The following EXT1 variants were observed in gnomAD, a reference collection of about 807,000 sequenced individuals.
EXT1 encodes the protein exostosin-1.
In EXT1, 20 loss-of-function variants were observed where a neutral mutation model predicts 82.5. The observed-to-expected ratio is 0.24, with a 90% CI of 0.17 to 0.35. EXT1 has a LOEUF of 0.35. Among genes scored for constraint, EXT1 ranks in the 10% least tolerant of loss-of-function variants. EXT1 has a pLI of 1.00. For missense variants in EXT1, 757 were observed against 936.5 expected, an observed-to-expected ratio of 0.81 and a Z score of 2.50; for synonymous variants, 348 against 350.8, an observed-to-expected ratio of 0.99 and a Z score of 0.09.
At chr8:117,914,403 T>C (rs1257093567) in intron 1 of EXT1, among the ~76,000 whole-genome samples, 1 of 152,130 alleles carries the variant, frequency 6.6e-6, no homozygotes, top group African/African-American at 2.4e-5. Flanking sequence ...TAGTACACCT[T>C]GAAAAAGAAC....
chr8:118,040,237 C>A lies in EXT1; in HGVS notation c.962+69848G>T, dbSNP rs145639417. ...CACAGATTCATACTAACGCCTTTTG[C>A]AATTCTCTCTTCCTCTGTCTTTGTT... On this transcript the variant is annotated intron_variant, in intron 1 of 10. Transcript: ENST00000378204. Among the ~76,000 whole-genome samples, 465 of 152,224 alleles carry A rather than the reference C, an allele frequency of 3.1e-3. 2 individuals are homozygous for A. Among genetic ancestry groups the A allele is most frequent in the African/African-American group, 0.01 (421 of 41,524 alleles).
chr8:117,921,057 G>T (rs1017457651), intron 1 of EXT1, among the ~76,000 whole-genome samples: 41 of 152,164 alleles, frequency 2.7e-4, no homozygotes, highest in Non-Finnish European at 2.9e-5. Flanking sequence ...CATCGAAAGG[G>T]TGGTTTTTAT....
chr8:117,887,668 A>G (rs1037572280), intron 1 of EXT1, among the ~76,000 whole-genome samples: 6 of 113,838 alleles, frequency 5.3e-5, no homozygotes, highest in Non-Finnish European at 7.9e-5. Flanking sequence ...TACTCTTTCT[A>G]TTCATTAGTT....
intron 1 of EXT1, among the ~76,000 whole-genome samples, chr8:118,049,226 T>C (rs1294080151): frequency 6.6e-6 from 1 of 152,248 alleles, no homozygotes; most frequent in Admixed American, 6.5e-5. Context: ...ATATCATTCA[T>C]GGATTTGTGC....
At chr8:118,041,873 A>T (rs1816537664) in intron 1 of EXT1, among the ~76,000 whole-genome samples, 1 of 151,716 alleles carries the variant, frequency 6.6e-6, no homozygotes. Context: ...GCTTGAACCC[A>T]GGAGACAGAG....
chr8:117,905,141 G>A (rs1813519464), intron 1 of EXT1, among the ~76,000 whole-genome samples: 1 of 152,162 alleles, frequency 6.6e-6, no homozygotes, highest in South Asian at 2.1e-4. Context: ...TGATCAAAGT[G>A]TACTTATAGG....
intron 1 of EXT1, among the ~76,000 whole-genome samples, chr8:118,072,489 G>GC (rs1817113217): frequency 6.6e-6 from 1 of 152,156 alleles, no homozygotes; most frequent in African/African-American, 2.4e-5. Context: ...CTTACCCTAA[G>GC]GGGGGAGACC....
chr8:117,981,544 G>A (rs76075810), intron 1 of EXT1, among the ~76,000 whole-genome samples: 2 of 152,290 alleles, frequency 1.3e-5, no homozygotes, highest in East Asian at 3.9e-4. Context: ...GGTGATGTAT[G>A]TTGGTCATTT....
In EXT1 at chr8:117,822,586, G is replaced by C. The variant is rs748311058; in HGVS notation, c.1296C>G (p.Asp432Glu). The C allele has an allele frequency of 8.1e-6, 13 of 1,612,870 alleles. No individual in the cohort carries two copies. Among genetic ancestry groups the C allele is most frequent in the Non-Finnish European group, 1.0e-5 (12 of 1,179,654 alleles). ...IVLTTLEIIQDRIFKHISRNS... is the reference protein window; with the variant it reads ...IVLTTLEIIQERIFKHISRNS... ...TACGTGATATGTGCTTGAATATTCTGTCCTGAATAATCTAGAAAATAAAAC... is the reference window on the plus strand; with the variant it reads ...TACGTGATATGTGCTTGAATATTCTCTCCTGAATAATCTAGAAAATAAAAC... The change falls in exon 5 of 11, where the codon GAC (aspartate) becomes GAG (glutamate). Residue 432 changes from aspartate to glutamate, a missense_variant. Transcript: ENST00000378204.
chr8:118,092,647 G>A (rs1017019732), intron 1 of EXT1, among the ~76,000 whole-genome samples: 3 of 152,258 alleles, frequency 2.0e-5, no homozygotes, highest in South Asian at 2.1e-4. Flanking sequence ...AGAGAATACC[G>A]GGACTAGGGG....
chr8:117,809,245 T>TGTATATATA lies in EXT1; in HGVS notation c.1723-1869_1723-1868insTATATATAC, dbSNP rs1563874284. Reference sequence around the variant, plus strand: ...TATATATATATATATATATATATATTATGTTCTATTGATTCTGTTTGCCTG... The same window carrying TGTATATATA: ...TATATATATATATATATATATATATTGTATATATAATGTTCTATTGATTCTGTTTGCCTG... On this transcript the variant is annotated intron_variant, in intron 8 of 10. Transcript: ENST00000378204. Among the ~76,000 whole-genome samples, 309 of 66,078 alleles carry TGTATATATA rather than the reference T, an allele frequency of 4.7e-3. 1 individual carries two copies. Among genetic ancestry groups the TGTATATATA allele is most frequent in the African/African-American group, 0.012 (299 of 25,400 alleles). 43.3% of individuals were successfully genotyped at this position (66,078 alleles called of 152,430 possible). A position where few individuals can be genotyped will look rare whatever the true frequency, so the allele number is the denominator to read the frequency against.
intron 1 of EXT1, among the ~76,000 whole-genome samples, chr8:117,956,683 G>A (rs1814593897): frequency 6.6e-6 from 1 of 152,152 alleles, no homozygotes; most frequent in South Asian, 2.1e-4. Context: ...CTGACCTCAG[G>A]TGATCCGGCT....
intron 2 of EXT1, 87 bp downstream of exon 2, chr8:117,837,021 C>G (rs974731536): frequency 2.2e-6 from 2 of 889,158 alleles, no homozygotes; most frequent in Non-Finnish European, 3.8e-6. Context: ...TTCTCTTTAG[C>G]TATCCCAGGA....
intron 1 of EXT1, among the ~76,000 whole-genome samples, chr8:118,051,112 G>A (rs1051878230): frequency 6.6e-6 from 1 of 152,146 alleles, no homozygotes; most frequent in East Asian, 1.9e-4. Context: ...GAGGTGGGTG[G>A]ATCACTTGAG....
intron 1 of EXT1, among the ~76,000 whole-genome samples, chr8:118,028,865 T>C (rs1816249214): frequency 6.6e-6 from 1 of 152,218 alleles, no homozygotes; most frequent in South Asian, 2.1e-4. Context: ...GAAGCTGCAC[T>C]GAGCCAAGAT....
chr8:118,024,770 G>C (rs1816173374), intron 1 of EXT1, among the ~76,000 whole-genome samples: 1 of 152,208 alleles, frequency 6.6e-6, no homozygotes, highest in South Asian at 2.1e-4. Context: ...AGAAAGAGGA[G>C]AAAAGTGCTG....
intron 1 of EXT1, among the ~76,000 whole-genome samples, chr8:117,850,040 T>C (rs1172427812): frequency 6.6e-6 from 1 of 152,204 alleles, no homozygotes; most frequent in Non-Finnish European, 1.5e-5. Flanking sequence ...AGTTTTCCAT[T>C]GTATTGGGTT....
At chr8:117,802,737 G>A (rs1407052384) in intron 10 of EXT1, among the ~76,000 whole-genome samples, 5 of 152,114 alleles carry the variant, frequency 3.3e-5, no homozygotes, top group African/African-American at 9.7e-5. Context: ...GCTTGAATTC[G>A]AATATTCTCT....
intron 9 of EXT1, among the ~76,000 whole-genome samples, chr8:117,805,200 T>A (rs749724971): frequency 1.3e-5 from 2 of 152,158 alleles, no homozygotes; most frequent in Non-Finnish European, 2.9e-5. Context: ...ATACAGACAT[T>A]GCTTGTCCAG....
Sources: allele counts gnomAD v4.1 joint callset (sites outside exome capture counted in the v4.1 genomes callset), GRCh38; gene constraint gnomAD v4.1.1; transcripts MANE v1.5; gene names NCBI Gene and HGNC (gene_info 2026-07-23, HGNC 2026-07-21).